Variants in ADAM22 observed in about 807,000 individuals in gnomAD.
ADAM22 encodes the protein ADAM metallopeptidase domain 22.
In ADAM22, 65 loss-of-function variants were observed where a neutral mutation model predicts 144.6. That is an observed-to-expected ratio of 0.45 (90% confidence interval 0.37 to 0.55). The LOEUF is 0.55. ADAM22 is among the 20% of genes least tolerant of loss of function. ADAM22 has a pLI of 0.00. For synonymous variants in ADAM22, 391 were observed against 412.6 expected, an observed-to-expected ratio of 0.95 and a Z score of 0.63; for missense variants, 974 against 1,184.9, an observed-to-expected ratio of 0.82 and a Z score of 2.61.
chr7:88,056,444 G>T (rs1300696777), intron 3 of ADAM22, among the ~76,000 whole-genome samples: 1 of 152,110 alleles, frequency 6.6e-6, no homozygotes, highest in Admixed American at 6.5e-5. Flanking sequence ...ATTATGCGTT[G>T]ATTTCTCTTT....
chr7:87,942,442 C>G (rs1562805086), intron 2 of ADAM22, among the ~76,000 whole-genome samples: 1 of 152,114 alleles, frequency 6.6e-6, no homozygotes, highest in South Asian at 2.1e-4. Context: ...TGCCTATGTG[C>G]TTAACTACTA....
At chr7:88,053,873 G>A (rs1296068478) in intron 3 of ADAM22, among the ~76,000 whole-genome samples, 1 of 152,162 alleles carries the variant, frequency 6.6e-6, no homozygotes, top group East Asian at 1.9e-4. Flanking sequence ...GTTTATGCCT[G>A]TAATCGCAGC....
chr7:88,012,133 GA>G (rs1408049068), intron 3 of ADAM22, among the ~76,000 whole-genome samples: 1 of 150,914 alleles, frequency 6.6e-6, no homozygotes, highest in African/African-American at 2.4e-5. Context: ...CCAGTCTACT[GA>G]TGAGCCTATC....
chr7:88,142,355 G>A (rs1027173206), intron 14 of ADAM22, among the ~76,000 whole-genome samples: 1 of 152,100 alleles, frequency 6.6e-6, no homozygotes, highest in Non-Finnish European at 1.5e-5. Flanking sequence ...TTTAAGACCT[G>A]ACATATTTAT....
At chr7:87,954,800 C>G (rs911869743) in intron 2 of ADAM22, among the ~76,000 whole-genome samples, 1 of 152,200 alleles carries the variant, frequency 6.6e-6, no homozygotes, top group Non-Finnish European at 1.5e-5. Flanking sequence ...CAGATTTGGT[C>G]TTCTCACATA....
chr7:88,049,001 A>G (rs758793745), intron 3 of ADAM22, among the ~76,000 whole-genome samples: 4 of 152,204 alleles, frequency 2.6e-5, no homozygotes, highest in Non-Finnish European at 5.9e-5. Flanking sequence ...TCATTGAGGA[A>G]TTAGTCACCC....
chr7:88,114,427 C>T (rs141787915), intron 5 of ADAM22, among the ~76,000 whole-genome samples, 157 bp from the exon 6 acceptor site: 150 of 152,176 alleles, frequency 9.9e-4, no homozygotes, highest in African/African-American at 3.4e-3. Flanking sequence ...GGCCTTCCCT[C>T]TCAGTGGTGT....
intron 2 of ADAM22, among the ~76,000 whole-genome samples, chr7:87,942,575 A>C (rs1247367832): frequency 6.6e-6 from 1 of 152,242 alleles, no homozygotes; most frequent in Non-Finnish European, 1.5e-5. Flanking sequence ...TGCCTGAAAA[A>C]TATATACATT....
intron 3 of ADAM22, among the ~76,000 whole-genome samples, chr7:88,050,617 G>A (rs1386141598): frequency 1.3e-5 from 2 of 152,094 alleles, no homozygotes; most frequent in African/African-American, 4.8e-5. Context: ...CAGTGATGAT[G>A]AGCATTTTTT....
At chr7:88,101,563 G>A (rs17255672) in intron 4 of ADAM22, among the ~76,000 whole-genome samples, 5 of 152,228 alleles carry the variant, frequency 3.3e-5, no homozygotes, top group African/African-American at 1.2e-4. Context: ...CTTTGATCCA[G>A]GCCAAAGCAT....
In ADAM22 at chr7:87,945,606, G is replaced by A. The variant is rs528609854; in HGVS notation, c.246+10420G>A. 1.7e-4 allele frequency among the ~76,000 whole-genome samples: 26 copies of A among 150,170 alleles called. No homozygotes were observed. In the South Asian group the frequency reaches 3.6e-3, roughly 21 times the overall value. On this transcript the variant is annotated intron_variant, in intron 2 of 31. Transcript: ENST00000413139. ...CAGCTCACTGCAACCTCCACCCTCCGAGTTCAAGCGATTCTCCTGCCTCAG... is the reference window on the plus strand; with the variant it reads ...CAGCTCACTGCAACCTCCACCCTCCAAGTTCAAGCGATTCTCCTGCCTCAG...
chr7:88,109,540 A>G (rs1825441770), intron 5 of ADAM22, among the ~76,000 whole-genome samples: 1 of 152,080 alleles, frequency 6.6e-6, no homozygotes, highest in Non-Finnish European at 1.5e-5. Context: ...CCTTTTTGTT[A>G]CCATCTTAGA....
intron 5 of ADAM22, among the ~76,000 whole-genome samples, chr7:88,108,716 G>A (rs1236046856): frequency 1.4e-5 from 2 of 146,878 alleles, no homozygotes; most frequent in African/African-American, 2.6e-5. Flanking sequence ...GGGATAGAGC[G>A]AGACTCTGAT....
intron 3 of ADAM22, among the ~76,000 whole-genome samples, chr7:87,982,084 C>CAT (rs1853668940): frequency 6.7e-6 from 1 of 148,824 alleles, no homozygotes; most frequent in Non-Finnish European, 1.5e-5. Context: ...CACACACACA[C>CAT]ACACACACAC....
intron 3 of ADAM22, among the ~76,000 whole-genome samples, chr7:87,983,132 T>G (rs961154696): frequency 6.6e-5 from 10 of 152,170 alleles, no homozygotes; most frequent in Non-Finnish European, 1.0e-4. Flanking sequence ...TGTTCCATTA[T>G]TAGTTTTCTG....
At chr7:88,183,974 A>G (rs1054738038) in intron 29 of ADAM22, among the ~76,000 whole-genome samples, 1 of 152,104 alleles carries the variant, frequency 6.6e-6, no homozygotes, top group African/African-American at 2.4e-5. Flanking sequence ...TTCTGATAGT[A>G]TAATACCATT....
At chr7:88,038,869 C>T (rs1021349171) in intron 3 of ADAM22, among the ~76,000 whole-genome samples, 1 of 151,818 alleles carries the variant, frequency 6.6e-6, no homozygotes, top group Non-Finnish European at 1.5e-5. Flanking sequence ...TAGCCTCGAC[C>T]TTCTGGGCTC....
intron 3 of ADAM22, among the ~76,000 whole-genome samples, chr7:88,043,793 C>G (rs1803791728): frequency 6.6e-6 from 1 of 151,954 alleles, no homozygotes; most frequent in African/African-American, 2.4e-5. Context: ...AAGGTATAGA[C>G]AAAATAAAGA....
intron 3 of ADAM22, among the ~76,000 whole-genome samples, chr7:88,028,202 A>C (rs1371698081): frequency 6.6e-6 from 1 of 152,178 alleles, no homozygotes; most frequent in Non-Finnish European, 1.5e-5. Flanking sequence ...TATTTTAAGA[A>C]ATTTTAAAAT....
Sources: gnomAD v4.1 joint callset for allele counts (sites outside exome capture counted in the v4.1 genomes callset) on GRCh38, gnomAD v4.1.1 for gene constraint, MANE v1.5 for transcripts, NCBI Gene and HGNC (gene_info 2026-07-23, HGNC 2026-07-21) for gene names.